The following CYYR1 variants were observed in gnomAD, a reference collection of about 807,000 sequenced individuals.
The protein encoded by CYYR1 is cysteine and tyrosine rich 1, also known as cysteine and tyrosine-rich protein 1.
CYYR1 carries 14 observed loss-of-function variants against 15.2 expected under a neutral mutation model. That is an observed-to-expected ratio of 0.92 (90% CI 0.61 to 1.44). The LOEUF is 1.44. Among genes scored for constraint, CYYR1 ranks in the 40% most tolerant of loss-of-function variants. The probability of loss-of-function intolerance (pLI) is 0.00; values close to 1 mark genes in which losing one functional copy is unlikely to be tolerated. For synonymous variants in CYYR1, 80 were observed against 77.4 expected (o/e 1.03, Z -0.18); for missense variants, 228 against 209.5 (o/e 1.09, Z -0.54).
At chr21:26,566,138 G>T (rs1252388925) in intron 2 of CYYR1, 128 bp downstream of exon 2, 1 of 651,590 alleles carries the variant, frequency 1.5e-6, no homozygotes. Context: ...CTCCAGTAAA[G>T]ATTTCATGTC....
chr21:26,542,754 T>C (rs138080861), intron 2 of CYYR1, among the ~76,000 whole-genome samples: 164 of 152,266 alleles, frequency 1.1e-3, no homozygotes, highest in African/African-American at 3.9e-3. Context: ...AATTACTAGA[T>C]GTACAAAGTG....
intron 2 of CYYR1, among the ~76,000 whole-genome samples, chr21:26,557,823 A>ACAT (rs1555911501): frequency 2.0e-5 from 3 of 151,806 alleles, no homozygotes; most frequent in Admixed American, 6.6e-5. Flanking sequence ...TTCATACCCT[A>ACAT]CAGGCTTTTC....
At position 26,474,247 on chromosome 21, in the gene CYYR1, G is replaced by T. The variant is rs558801873; in HGVS notation, c.335-5613C>A. On this transcript the variant is annotated intron_variant, in intron 3 of 3. Transcript: ENST00000652641. ...TTTTTGTATTTTTAGTAGAGACGGG[G>T]TTTCACCATGTTGGTCAGGCTGGTC... is the stretch of plus-strand genomic sequence containing the variant. 1.7e-3 allele frequency among the ~76,000 whole-genome samples: 264 copies of T among 151,748 alleles called. 1 individual carries two copies. The highest frequency in any genetic ancestry group is 3.1e-3 in the Non-Finnish European group (209 of 67,882).
intron 2 of CYYR1, among the ~76,000 whole-genome samples, chr21:26,501,346 C>T (rs2065479757): frequency 6.6e-6 from 1 of 152,126 alleles, no homozygotes; most frequent in Non-Finnish European, 1.5e-5. Context: ...AATAAATAAA[C>T]AAATAAAATC....
In CYYR1 at chr21:26,468,261, A is replaced by G; in HGVS notation, c.*240T>C. 1 of 527,262 alleles carries G rather than the reference A, an allele frequency of 1.9e-6. No homozygotes were observed. Among genetic ancestry groups the G allele is most frequent in the South Asian group, 2.0e-5 (1 of 49,320 alleles). The allele number at this position is 527,262 out of a possible 1,614,324, so 32.7% of individuals were successfully genotyped here. ...ACATTACTCTTCCCTGAATGTGCTTAGGTGGATCAGCAGATCTCTTAAAAT... is the reference window on the plus strand; with the variant it reads ...ACATTACTCTTCCCTGAATGTGCTTGGGTGGATCAGCAGATCTCTTAAAAT... On this transcript the variant is annotated 3_prime_UTR_variant, in exon 4 of 4. Transcript: ENST00000652641.
chr21:26,527,791 CA>C (rs2065885448), intron 2 of CYYR1, among the ~76,000 whole-genome samples: 1 of 152,068 alleles, frequency 6.6e-6, no homozygotes, highest in Non-Finnish European at 1.5e-5. Context: ...ATATTTTGTT[CA>C]AATAATAGTC....
intron 2 of CYYR1, among the ~76,000 whole-genome samples, chr21:26,516,687 A>G (rs927842917): frequency 6.6e-6 from 1 of 152,258 alleles, no homozygotes; most frequent in Non-Finnish European, 1.5e-5. Context: ...AATGTTTGAT[A>G]TATTTTAAGG....
At chr21:26,535,015 T>C (rs891303609) in intron 2 of CYYR1, among the ~76,000 whole-genome samples, 20 of 152,218 alleles carry the variant, frequency 1.3e-4, no homozygotes, top group Non-Finnish European at 2.4e-4. Context: ...TATTTATTTA[T>C]TTACTTAACT....
At chr21:26,523,310 C>T (rs1373324295) in intron 2 of CYYR1, among the ~76,000 whole-genome samples, 1 of 152,108 alleles carries the variant, frequency 6.6e-6, no homozygotes, top group Non-Finnish European at 1.5e-5. Context: ...TGAGGAAATG[C>T]CCCCTTTCTC....
chr21:26,573,067 T>G lies in CYYR1; in HGVS notation c.-127A>C. On this transcript the variant is annotated 5_prime_UTR_variant, in exon 1 of 4. An upstream start codon of the reference 5' UTR is lost. Coordinates refer to ENST00000652641, the MANE Select transcript of CYYR1 (RefSeq NM_001320768.2). ...GCCGGGTGGAGCAGAGACCCGGCCA[T>G]TGCCTAGGGAGCCTTCCAAGGGAGC... 6.4e-7 allele frequency: 1 copy of G among 1,560,192 alleles called. No individual in the cohort carries two copies. The highest frequency in any genetic ancestry group is 2.4e-5 in the East Asian group (1 of 41,866).
intron 2 of CYYR1, among the ~76,000 whole-genome samples, chr21:26,514,250 TG>T (rs2065690502): frequency 6.6e-6 from 1 of 152,154 alleles, no homozygotes; most frequent in African/African-American, 2.4e-5. Context: ...CCAAATCTCA[TG>T]TTGAAATTTG....
At chr21:26,512,720 T>C (rs998318155) in intron 2 of CYYR1, among the ~76,000 whole-genome samples, 2 of 152,210 alleles carry the variant, frequency 1.3e-5, no homozygotes, top group African/African-American at 4.8e-5. Flanking sequence ...GCATTGTCTA[T>C]AACTTTTTCT....
At chr21:26,569,376 G>A (rs901495626) in intron 1 of CYYR1, 2 of 152,246 alleles carry the variant, frequency 1.3e-5, no homozygotes, top group Non-Finnish European at 2.9e-5. Flanking sequence ...TTACAAGTGG[G>A]AGCTAAACAC....
At chr21:26,496,523 C>T (rs2065406715) in intron 2 of CYYR1, among the ~76,000 whole-genome samples, 1 of 152,022 alleles carries the variant, frequency 6.6e-6, no homozygotes, top group African/African-American at 2.4e-5. Flanking sequence ...CATGGATGTA[C>T]AAAATGAATA....
intron 2 of CYYR1, among the ~76,000 whole-genome samples, chr21:26,489,185 T>C (rs117440026): frequency 3.3e-5 from 5 of 152,290 alleles, no homozygotes; most frequent in South Asian, 4.1e-4. Flanking sequence ...TTACGTAGAA[T>C]TAAACTTTAT....
At chr21:26,500,661 C>CA (rs2065468927) in intron 2 of CYYR1, among the ~76,000 whole-genome samples, 1 of 152,042 alleles carries the variant, frequency 6.6e-6, no homozygotes, top group Admixed American at 6.6e-5. Context: ...ACTGGTGGGC[C>CA]TGCACTGGGG....
Position 26,468,254 on chromosome 21 carries a change from T to C in CYYR1, c.*247A>G, listed in dbSNP as rs996328145. 2.0e-6 allele frequency: 1 copy of C among 500,706 alleles called. No individual in the cohort carries two copies. Among genetic ancestry groups the C allele is most frequent in the African/African-American group, 1.9e-5 (1 of 51,576 alleles). The allele number at this position is 500,706 out of a possible 1,614,324, so 31.0% of individuals were successfully genotyped here. A position where few individuals can be genotyped will look rare whatever the true frequency, so the allele number is the denominator to read the frequency against. On this transcript the variant is annotated 3_prime_UTR_variant, in exon 4 of 4. Transcript: ENST00000652641. The stretch of plus-strand genomic sequence containing the variant: ...GTCAATTACATTACTCTTCCCTGAA[T>C]GTGCTTAGGTGGATCAGCAGATCTC...
At chr21:26,553,747 T>C (rs1979566062) in intron 2 of CYYR1, among the ~76,000 whole-genome samples, 1 of 152,174 alleles carries the variant, frequency 6.6e-6, no homozygotes, top group Admixed American at 6.6e-5. Context: ...TGGAGCTTGT[T>C]TTCTTCATCT....
intron 2 of CYYR1, among the ~76,000 whole-genome samples, chr21:26,520,622 A>G (rs1387899908): frequency 6.6e-6 from 1 of 152,122 alleles, no homozygotes; most frequent in African/African-American, 2.4e-5. Flanking sequence ...GTGAAATGGT[A>G]TTTCTGGTTC....
Sources: gnomAD v4.1 joint callset for allele counts (sites outside exome capture counted in the v4.1 genomes callset) on GRCh38, gnomAD v4.1.1 for gene constraint, MANE v1.5 for transcripts, NCBI Gene and HGNC (gene_info 2026-07-23, HGNC 2026-07-21) for gene names.